The following LIMS4 variants were observed in gnomAD, a reference collection of about 807,000 sequenced individuals.
The protein encoded by LIMS4 is LIM zinc finger domain containing 4.
At chr2:110,392,610 T>A in the LIMS4 span, among the ~76,000 whole-genome samples, 5 of 152,024 alleles carry the variant, frequency 3.3e-5, no homozygotes, top group African/African-American at 1.2e-4. Flanking sequence ...AATTTAACAC[T>A]CGTTTTGAGT....
At chr2:110,389,818 G>A in the LIMS4 span, among the ~76,000 whole-genome samples, 2 of 147,250 alleles carry the variant, frequency 1.4e-5, no homozygotes, top group South Asian at 2.1e-4. Flanking sequence ...AGAGGCTGAG[G>A]CAGCTCTGCT....
At chr2:110,389,871 A>G in the LIMS4 span, among the ~76,000 whole-genome samples, 1 of 147,144 alleles carries the variant, frequency 6.8e-6, no homozygotes, top group Non-Finnish European at 1.5e-5. Context: ...ACCAGGGCCC[A>G]TAGCATGGGA....
the LIMS4 span, among the ~76,000 whole-genome samples, chr2:110,425,210 A>T: frequency 1.4e-5 from 2 of 142,698 alleles, no homozygotes; most frequent in African/African-American, 5.8e-5. Flanking sequence ...TAGGCAACAT[A>T]TCCAGACCAG....
the LIMS4 span, among the ~76,000 whole-genome samples, chr2:110,371,847 T>A: frequency 1.4e-5 from 2 of 144,540 alleles, no homozygotes; most frequent in Non-Finnish European, 3.0e-5. Flanking sequence ...TTCCTCCACC[T>A]GCCTGAGGAG....
the LIMS4 span, among the ~76,000 whole-genome samples, chr2:110,391,014 G>A: frequency 3.3e-5 from 5 of 152,172 alleles, no homozygotes; most frequent in African/African-American, 1.2e-4. Flanking sequence ...ATGACAAGGG[G>A]GAGCCAGCCC....
chr2:110,378,730 A>T, the LIMS4 span, among the ~76,000 whole-genome samples: 1 of 92,510 alleles, frequency 1.1e-5, no homozygotes, highest in Non-Finnish European at 1.9e-5. Flanking sequence ...TTTTATGAGT[A>T]TTCTCATAAA....
At chr2:110,382,136 TATATATATATATATAC>T in the LIMS4 span, among the ~76,000 whole-genome samples, 2 of 98,748 alleles carry the variant, frequency 2.0e-5, no homozygotes, top group Admixed American at 1.1e-4. Context: ...TATATATATA[TATATATATATATATAC>T]ATGTTTGAAC....
At chr2:110,443,057 T>TCTTTTG (rs376157621), downstream of LIMS4, among the ~76,000 whole-genome samples, 4,154 of 117,576 alleles carry the variant, frequency 0.035, 1 homozygote, top group African/African-American at 0.063. Context: ...CTTTTTTTTT[T>TCTTTTG]CTTTTTCTTT....
At chr2:110,425,253 G>A in the LIMS4 span, among the ~76,000 whole-genome samples, 1 of 143,402 alleles carries the variant, frequency 7.0e-6, no homozygotes, top group Admixed American at 6.8e-5. Context: ...TGGGCATGGT[G>A]GCAAACCTAT....
chr2:110,382,197 G>A, the LIMS4 span, among the ~76,000 whole-genome samples: 1 of 67,502 alleles, frequency 1.5e-5, no homozygotes, highest in Non-Finnish European at 2.5e-5. Context: ...AAAATAACAC[G>A]ATTTTAAAAT....
the LIMS4 span, among the ~76,000 whole-genome samples, chr2:110,368,734 C>G: frequency 1.0e-4 from 12 of 118,062 alleles, no homozygotes; most frequent in Non-Finnish European, 8.4e-5. Context: ...AGCAGCCAAT[C>G]AGGCTGTTTC....
chr2:110,419,656 C>CAAAAAAAAAA, the LIMS4 span, among the ~76,000 whole-genome samples: 5 of 8,126 alleles, frequency 6.2e-4, no homozygotes, highest in African/African-American at 2.5e-3. Flanking sequence ...ACAACAACAA[C>CAAAAAAAAAA]AAAAAAAAAA....
chr2:110,390,841 C>T, the LIMS4 span, among the ~76,000 whole-genome samples: 1 of 152,264 alleles, frequency 6.6e-6, no homozygotes, highest in African/African-American at 2.4e-5. Flanking sequence ...CAGGAGCGCA[C>T]CATCTGGAGG....
chr2:110,373,865 A>AGAGTGGC, the LIMS4 span, among the ~76,000 whole-genome samples: 1 of 143,968 alleles, frequency 6.9e-6, no homozygotes, highest in Non-Finnish European at 1.5e-5. Flanking sequence ...TATGGACAGA[A>AGAGTGGC]GAGTGGCTGT....
the LIMS4 span, chr2:110,376,386 G>A: frequency 4.0e-5 from 2 of 50,412 alleles, no homozygotes; most frequent in Non-Finnish European, 6.1e-5. Flanking sequence ...TTTTCACACA[G>A]CCCCCACATC....
chr2:110,366,017 T>C, the LIMS4 span, among the ~76,000 whole-genome samples: 2 of 151,278 alleles, frequency 1.3e-5, no homozygotes, highest in African/African-American at 4.9e-5. Context: ...GTTTTGAAAT[T>C]GAATCAGTAA....
chr2:110,359,485 C>A, the LIMS4 span, among the ~76,000 whole-genome samples: 1 of 24,590 alleles, frequency 4.1e-5, no homozygotes, highest in East Asian at 1.1e-3. Context: ...CTGAACTAAT[C>A]CCGTGTGGCT....
the LIMS4 span, among the ~76,000 whole-genome samples, chr2:110,378,759 TA>T: frequency 1.8e-5 from 2 of 109,660 alleles, no homozygotes; most frequent in Non-Finnish European, 3.4e-5. Flanking sequence ...GCTCCTCTGA[TA>T]TCCTATTGAG....
chr2:110,425,770 C>T, the LIMS4 span, among the ~76,000 whole-genome samples: 1 of 139,924 alleles, frequency 7.1e-6, no homozygotes, highest in Non-Finnish European at 1.5e-5. Flanking sequence ...GAATTCTTCC[C>T]CAGGGCCTTG....
Sources: gnomAD v4.1 joint callset for allele counts (sites outside exome capture counted in the v4.1 genomes callset) on GRCh38, gnomAD v4.1.1 for gene constraint, MANE v1.5 for transcripts, NCBI Gene and HGNC (gene_info 2026-07-23, HGNC 2026-07-21) for gene names.